Variants in MACROD2 observed in about 807,000 individuals in gnomAD.
MACROD2 encodes mono-ADP ribosylhydrolase 2.
A neutral mutation model predicts 70.4 loss-of-function variants in MACROD2; 36 were observed. The observed-to-expected ratio is 0.51, with a 90% CI of 0.39 to 0.68. The LOEUF is 0.68. MACROD2 is among the 30% of genes least tolerant of loss of function. The probability of loss-of-function intolerance (pLI) is 0.00; values close to 1 mark genes in which losing one functional copy is unlikely to be tolerated. For missense variants in MACROD2, 496 were observed against 538.4 expected (o/e 0.92, Z 0.78); for synonymous variants, 172 against 178.8 (o/e 0.96, Z 0.30).
chr20:14,316,541 T>C (rs1173140587), intron 3 of MACROD2, among the ~76,000 whole-genome samples: 1 of 152,220 alleles, frequency 6.6e-6, no homozygotes, highest in African/African-American at 2.4e-5. Flanking sequence ...TGTAAACTTT[T>C]TTAAAACATG....
chr20:14,437,232 G>A (rs1337949955), intron 3 of MACROD2, among the ~76,000 whole-genome samples: 4 of 152,022 alleles, frequency 2.6e-5, no homozygotes, highest in Non-Finnish European at 5.9e-5. Flanking sequence ...ACCTTTTTTT[G>A]AGTGGATGTC....
At chr20:16,028,205 C>T (rs1224842524) in intron 15 of MACROD2, among the ~76,000 whole-genome samples, 1 of 152,172 alleles carries the variant, frequency 6.6e-6, no homozygotes, top group Admixed American at 6.5e-5. Flanking sequence ...AAAGGTGGCT[C>T]ACTCTCTCCT....
intron 3 of MACROD2, among the ~76,000 whole-genome samples, chr20:14,449,385 G>C (rs1255571375): frequency 6.6e-6 from 1 of 152,076 alleles, no homozygotes; most frequent in Non-Finnish European, 1.5e-5. Context: ...GGCACCACAG[G>C]ATTTGGAATT....
chr20:15,640,998 G>T (rs2049451375), intron 8 of MACROD2, among the ~76,000 whole-genome samples: 1 of 152,170 alleles, frequency 6.6e-6, no homozygotes, highest in South Asian at 2.1e-4. Context: ...GGGCCAGTGG[G>T]CTCAATGCCC....
intron 15 of MACROD2, among the ~76,000 whole-genome samples, chr20:16,008,251 G>A (rs1054130841): frequency 2.0e-5 from 3 of 152,076 alleles, no homozygotes; most frequent in Admixed American, 6.6e-5. Flanking sequence ...CGTTTATCTC[G>A]CCTATTCCAA....
chr20:15,646,911 C>T (rs960062709), intron 8 of MACROD2, among the ~76,000 whole-genome samples: 1 of 152,164 alleles, frequency 6.6e-6, no homozygotes, highest in South Asian at 2.1e-4. Flanking sequence ...AGCGTGAAAA[C>T]GGACTAATAC....
chr20:15,165,824 TATTAAATA>T (rs1215800368), intron 5 of MACROD2, among the ~76,000 whole-genome samples: 2 of 152,274 alleles, frequency 1.3e-5, no homozygotes, highest in African/African-American at 4.8e-5. Context: ...TTAAGAAATA[TATTAAATA>T]ATTTTACCGT....
intron 3 of MACROD2, among the ~76,000 whole-genome samples, chr20:14,342,763 C>G (rs2083027304): frequency 6.6e-6 from 1 of 152,128 alleles, no homozygotes; most frequent in African/African-American, 2.4e-5. Flanking sequence ...TAAAAACAAT[C>G]ACATAACCCT....
intron 8 of MACROD2, among the ~76,000 whole-genome samples, chr20:15,530,575 A>C (rs1297962719): frequency 4.6e-5 from 7 of 152,088 alleles, no homozygotes. Context: ...TACTAAAAAT[A>C]CAAAAAATTA....
chr20:14,801,956 G>A (rs946590110), intron 5 of MACROD2, among the ~76,000 whole-genome samples: 1 of 152,012 alleles, frequency 6.6e-6, no homozygotes, highest in African/African-American at 2.4e-5. Flanking sequence ...TCCAGAAAAG[G>A]TACAGGGGGT....
intron 8 of MACROD2, among the ~76,000 whole-genome samples, chr20:15,840,339 C>T (rs1163247345): frequency 6.6e-6 from 1 of 152,148 alleles, no homozygotes; most frequent in Non-Finnish European, 1.5e-5. Flanking sequence ...GAAATTAGTG[C>T]CATAATTCTT....
At chr20:16,046,274 A>G (rs1304187465) in intron 17 of MACROD2, among the ~76,000 whole-genome samples, 1 of 152,186 alleles carries the variant, frequency 6.6e-6, no homozygotes, top group Non-Finnish European at 1.5e-5. Flanking sequence ...TAATGCATGT[A>G]TAGCATAAGA....
At chr20:14,307,045 A>G (rs2082527044) in intron 3 of MACROD2, among the ~76,000 whole-genome samples, 1 of 143,970 alleles carries the variant, frequency 6.9e-6, no homozygotes, top group Admixed American at 7.0e-5. Flanking sequence ...ACACACACAC[A>G]CAATTGACTG....
intron 8 of MACROD2, among the ~76,000 whole-genome samples, chr20:15,579,412 T>C (rs1005125829): frequency 1.3e-5 from 2 of 152,142 alleles, no homozygotes; most frequent in African/African-American, 4.8e-5. Context: ...TTTGAGAAAA[T>C]AGACCCGAGA....
chr20:15,461,004 A>T (rs200421606), intron 7 of MACROD2, among the ~76,000 whole-genome samples: 13,686 of 47,596 alleles, frequency 0.29, 1,864 homozygotes, highest in African/African-American at 0.47. Context: ...ATATATATAT[A>T]TATTTTTTTT....
intron 8 of MACROD2, among the ~76,000 whole-genome samples, chr20:15,606,050 C>T (rs1427429004): frequency 6.6e-6 from 1 of 152,036 alleles, no homozygotes; most frequent in Non-Finnish European, 1.5e-5. Flanking sequence ...CTTTTAATGC[C>T]TTTGTTTGGA....
chr20:15,491,994 G>T (rs904164800), intron 7 of MACROD2, among the ~76,000 whole-genome samples: 2 of 152,198 alleles, frequency 1.3e-5, no homozygotes, highest in Non-Finnish European at 2.9e-5. Flanking sequence ...ACAGACTGTG[G>T]CCACCTCACC....
chr20:15,402,185 C>T (rs2045939560), intron 6 of MACROD2, among the ~76,000 whole-genome samples: 1 of 152,016 alleles, frequency 6.6e-6, no homozygotes, highest in Admixed American at 6.5e-5. Context: ...ATTACATTTC[C>T]TGGGGTTCTC....
At position 15,192,052 on chromosome 20, in the gene MACROD2, A is replaced by ATCTATCTATCTATCTC. The variant is rs1555791204; in HGVS notation, c.419-37876_419-37875insTCTCTCTATCTATCTA. Reference sequence around the variant, plus strand: ...TATCTATCTATCTATCTATCTATCTATCTATCTATCTAAAACTCTCTCTCT... The same window carrying ATCTATCTATCTATCTC: ...TATCTATCTATCTATCTATCTATCTATCTATCTATCTATCTCTCTATCTATCTAAAACTCTCTCTCT... On this transcript the variant is annotated intron_variant, in intron 5 of 17. Coordinates refer to ENST00000684519, the MANE Select transcript of MACROD2 (RefSeq NM_001351661.2). Among the ~76,000 whole-genome samples, 169 of 150,876 alleles carry ATCTATCTATCTATCTC rather than the reference A, an allele frequency of 1.1e-3. 1 individual carries two copies. Among genetic ancestry groups the ATCTATCTATCTATCTC allele is most frequent in the African/African-American group, 3.3e-3 (137 of 40,922 alleles).
Sources: gnomAD v4.1 joint callset for allele counts (sites outside exome capture counted in the v4.1 genomes callset) on GRCh38, gnomAD v4.1.1 for gene constraint, MANE v1.5 for transcripts, NCBI Gene and HGNC (gene_info 2026-07-23, HGNC 2026-07-21) for gene names.